The following FGF12 variants were observed in gnomAD, a reference collection of about 807,000 sequenced individuals.
The protein encoded by FGF12 is fibroblast growth factor 12B.
FGF12 carries 14 observed loss-of-function variants against 23.6 expected under a neutral mutation model. The ratio of observed to expected loss-of-function variants is 0.59; its 90% CI spans 0.39 to 0.93. The LOEUF (loss-of-function observed/expected upper bound fraction) is 0.93. Ranked by LOEUF, FGF12 falls within the 40% of genes least tolerant of loss-of-function variation. FGF12 has a pLI of 0.00. For missense variants in FGF12, 175 were observed against 217.8 expected (o/e 0.80, Z 1.24); for synonymous variants, 62 against 77.3 (o/e 0.80, Z 1.04).
chr3:192,325,584 C>T (rs1340015753), intron 4 of FGF12, among the ~76,000 whole-genome samples: 1 of 152,104 alleles, frequency 6.6e-6, no homozygotes, highest in African/African-American at 2.4e-5. Context: ...CAGAACTTTC[C>T]ATGAGAAAGT....
intron 4 of FGF12, among the ~76,000 whole-genome samples, chr3:192,184,555 G>A (rs1342492654): frequency 6.6e-6 from 1 of 152,206 alleles, no homozygotes; most frequent in African/African-American, 2.4e-5. Context: ...GAATTGCCAT[G>A]TGTGGGCAAA....
chr3:192,235,713 C>T (rs1719259812), intron 4 of FGF12, among the ~76,000 whole-genome samples: 1 of 152,054 alleles, frequency 6.6e-6, no homozygotes, highest in Non-Finnish European at 1.5e-5. Context: ...GTAATGTCAC[C>T]TTTGTCATTT....
chr3:192,644,289 T>A (rs561686218), intron 2 of FGF12, among the ~76,000 whole-genome samples: 2 of 152,352 alleles, frequency 1.3e-5, no homozygotes, highest in African/African-American at 4.8e-5. Flanking sequence ...GATTCTTGTA[T>A]GAATTCTTTC....
At chr3:192,338,396 A>G (rs1717523537) in intron 3 of FGF12, among the ~76,000 whole-genome samples, 1 of 152,180 alleles carries the variant, frequency 6.6e-6, no homozygotes, top group Non-Finnish European at 1.5e-5. Context: ...TTGCAAATAA[A>G]TAGATTATTC....
chr3:192,658,242 T>G (rs965317301), intron 2 of FGF12, among the ~76,000 whole-genome samples: 11 of 151,874 alleles, frequency 7.2e-5, no homozygotes, highest in African/African-American at 2.7e-4. Context: ...AAATAGGTGG[T>G]AAACCGGACC....
intron 2 of FGF12, among the ~76,000 whole-genome samples, chr3:192,702,913 A>G (rs1247947142): frequency 3.9e-5 from 6 of 152,206 alleles, no homozygotes; most frequent in Admixed American, 1.3e-4. Flanking sequence ...AAATAACAAT[A>G]TATGTTATTA....
intron 4 of FGF12, among the ~76,000 whole-genome samples, chr3:192,279,858 G>A (rs542530637): frequency 6.6e-6 from 1 of 152,192 alleles, no homozygotes; most frequent in Non-Finnish European, 1.5e-5. Context: ...GTCCCTTCCA[G>A]ATTTGAATTT....
chr3:192,581,486 GTA>G (rs71298511), intron 2 of FGF12, among the ~76,000 whole-genome samples: 2,003 of 144,572 alleles, frequency 0.014, 53 homozygotes, highest in African/African-American at 0.046. Context: ...GTGTGTGTGT[GTA>G]TATATATATA....
At chr3:192,178,768 G>A (rs1327166936) in intron 4 of FGF12, among the ~76,000 whole-genome samples, 1 of 152,196 alleles carries the variant, frequency 6.6e-6, no homozygotes, top group African/African-American at 2.4e-5. Flanking sequence ...AAAGTGCTGG[G>A]ATTACAGGCA....
intron 2 of FGF12, among the ~76,000 whole-genome samples, chr3:192,511,538 T>C (rs1724478423): frequency 1.3e-5 from 2 of 152,230 alleles, no homozygotes; most frequent in Non-Finnish European, 1.5e-5. Context: ...TTTTTCTTTG[T>C]AAAGTTTCTA....
intron 2 of FGF12, among the ~76,000 whole-genome samples, chr3:192,365,246 G>C (rs1210451513): frequency 8.5e-6 from 1 of 117,300 alleles, no homozygotes; most frequent in Non-Finnish European, 1.6e-5. Flanking sequence ...ACCCATACAA[G>C]TTAAAAGTAA....
intron 2 of FGF12, among the ~76,000 whole-genome samples, chr3:192,682,266 G>A (rs983800612): frequency 3.3e-5 from 5 of 151,978 alleles, no homozygotes; most frequent in Non-Finnish European, 2.9e-5. Context: ...GCCCCTGAAC[G>A]CACACAGCTG....
At chr3:192,449,328 G>T (rs1722453559) in intron 2 of FGF12, among the ~76,000 whole-genome samples, 2 of 152,122 alleles carry the variant, frequency 1.3e-5, no homozygotes, top group Admixed American at 1.3e-4. Context: ...CAGCTAATTT[G>T]TGAGGGGAAT....
At chr3:192,615,982 A>C (rs1714740975) in intron 2 of FGF12, among the ~76,000 whole-genome samples, 1 of 152,130 alleles carries the variant, frequency 6.6e-6, no homozygotes, top group African/African-American at 2.4e-5. Flanking sequence ...TTCTTTGTAA[A>C]TATAATCAAT....
intron 2 of FGF12, among the ~76,000 whole-genome samples, chr3:192,403,789 C>G (rs1450795609): frequency 6.6e-6 from 1 of 152,066 alleles, no homozygotes; most frequent in African/African-American, 2.4e-5. Context: ...CCTTTACTGT[C>G]AACTTTCTTC....
intron 2 of FGF12, among the ~76,000 whole-genome samples, chr3:192,436,136 C>T (rs1304725676): frequency 6.6e-6 from 1 of 152,172 alleles, no homozygotes; most frequent in African/African-American, 2.4e-5. Flanking sequence ...CAGGACAATA[C>T]TGTCATAGTC....
At chr3:192,198,556 T>C (rs1193999542) in intron 4 of FGF12, among the ~76,000 whole-genome samples, 1 of 152,190 alleles carries the variant, frequency 6.6e-6, no homozygotes, top group Admixed American at 6.5e-5. Context: ...AGATAATTTC[T>C]ATATCTGTTC....
intron 2 of FGF12, among the ~76,000 whole-genome samples, chr3:192,394,532 T>C (rs1362102674): frequency 1.3e-5 from 2 of 152,132 alleles, no homozygotes; most frequent in Non-Finnish European, 2.9e-5. Flanking sequence ...ACCATAAATA[T>C]ACATCAAGAA....
At chr3:192,609,142 C>T (rs567946396) in intron 2 of FGF12, among the ~76,000 whole-genome samples, 1 of 152,190 alleles carries the variant, frequency 6.6e-6, no homozygotes, top group East Asian at 1.9e-4. Flanking sequence ...TGCAAACTCT[C>T]CATATTTGTT....
Sources: allele counts gnomAD v4.1 joint callset (sites outside exome capture counted in the v4.1 genomes callset), GRCh38; gene constraint gnomAD v4.1.1; transcripts MANE v1.5; gene names NCBI Gene and HGNC (gene_info 2026-07-23, HGNC 2026-07-21).